The following ARSB variants were observed in gnomAD, a reference collection of about 807,000 sequenced individuals.
ARSB encodes the protein arylsulfatase B.
Under a neutral mutation model 50.9 loss-of-function variants are expected in ARSB, and 41 were observed. The observed-to-expected ratio is 0.81, with a 90% CI of 0.63 to 1.04. ARSB has a LOEUF of 1.04. Ranked by LOEUF, ARSB falls within the 50% of genes least tolerant of loss-of-function variation. The pLI is 0.00. For missense variants in ARSB, 672 were observed against 693.3 expected, an observed-to-expected ratio of 0.97 and a Z score of 0.35; for synonymous variants, 269 against 284.8, an observed-to-expected ratio of 0.94 and a Z score of 0.56.
chr5:78,981,249 C>T (rs377666656), intron 1 of ARSB, among the ~76,000 whole-genome samples: 3 of 5,278 alleles, frequency 5.7e-4, no homozygotes, highest in African/African-American at 2.5e-3. Flanking sequence ...CGCGCCCGGC[C>T]GAATTTCTAG....
chr5:78,907,930 C>T (rs1400664171), intron 4 of ARSB, among the ~76,000 whole-genome samples: 7 of 152,158 alleles, frequency 4.6e-5, no homozygotes, highest in African/African-American at 1.7e-4. Flanking sequence ...TTACCATACA[C>T]TGCACTACAG....
At chr5:78,979,839 T>C (rs1388442453) in intron 1 of ARSB, among the ~76,000 whole-genome samples, 4 of 152,128 alleles carry the variant, frequency 2.6e-5, no homozygotes, top group Non-Finnish European at 5.9e-5. Context: ...ATACAAAAAC[T>C]TGTACATGGA....
chr5:78,851,372 G>C (rs527470521), intron 5 of ARSB, among the ~76,000 whole-genome samples: 1 of 152,174 alleles, frequency 6.6e-6, no homozygotes, highest in African/African-American at 2.4e-5. Context: ...GAGCAGTTTT[G>C]AGTGAGTTTC....
chr5:78,869,512 C>A (rs1013353230), intron 5 of ARSB, among the ~76,000 whole-genome samples: 4 of 142,444 alleles, frequency 2.8e-5, no homozygotes, highest in Non-Finnish European at 4.6e-5. Flanking sequence ...AAGAATCTCA[C>A]TCAAAGCCGC....
intron 1 of ARSB, among the ~76,000 whole-genome samples, chr5:78,975,408 GC>G (rs1418556358): frequency 6.6e-6 from 1 of 152,198 alleles, no homozygotes; most frequent in Admixed American, 6.5e-5. Context: ...CCAAGGTTCC[GC>G]CTCAGGGGTG....
At chr5:78,973,716 A>G (rs1752550290) in intron 1 of ARSB, among the ~76,000 whole-genome samples, 1 of 152,148 alleles carries the variant, frequency 6.6e-6, no homozygotes, top group Non-Finnish European at 1.5e-5. Flanking sequence ...TTTCAGCTAC[A>G]CTCAAACTCT....
Position 78,780,220 on chromosome 5 carries a change from G to A in ARSB, c.*177C>T, listed in dbSNP as rs1748884815. ...TGCTCCAGCCAACAGCAGGAGTGTT[G>A]CAGATTTTATCAGCTTCTTAAATGC... On this transcript the variant is annotated 3_prime_UTR_variant, in exon 8 of 8. Coordinates refer to ENST00000264914, the MANE Select transcript of ARSB (RefSeq NM_000046.5). 11 of 800,204 alleles carry A rather than the reference G, an allele frequency of 1.4e-5. No homozygotes were observed. In the South Asian group the frequency reaches 1.9e-4, roughly 14 times the overall value. The allele number at this position is 800,204 out of a possible 1,614,324, so 49.6% of individuals were successfully genotyped here.
chr5:78,810,794 C>T (rs189795986), intron 6 of ARSB, among the ~76,000 whole-genome samples: 4 of 152,290 alleles, frequency 2.6e-5, no homozygotes, highest in African/African-American at 7.2e-5. Flanking sequence ...GAACTTTCAA[C>T]CACAGAGTAC....
chr5:78,952,986 G>C (rs796604286), intron 4 of ARSB, among the ~76,000 whole-genome samples: 19 of 152,220 alleles, frequency 1.2e-4, no homozygotes, highest in African/African-American at 4.6e-4. Flanking sequence ...TGATCAAAAT[G>C]CTATGCCAGG....
intron 1 of ARSB, among the ~76,000 whole-genome samples, chr5:78,981,285 AC>A (rs1417883362): frequency 6.6e-6 from 1 of 152,098 alleles, no homozygotes; most frequent in Non-Finnish European, 1.5e-5. Flanking sequence ...GTAACTACTT[AC>A]CCCATCTGCT....
At position 78,864,933 on chromosome 5, in the gene ARSB, T is replaced by C. The variant is rs546757316; in HGVS notation, c.1142+20651A>G. On this transcript the variant is annotated intron_variant, in intron 5 of 7. Transcript: ENST00000264914. ...AGGTCACGCTGATGCAAGAGGTGGG[T>C]TCCCATGGTCTTGGGCAGCTCTGCC... Among the ~76,000 whole-genome samples the C allele has an allele frequency of 2.0e-5, 3 of 152,310 alleles. No homozygotes were observed. The East Asian group carries it at 5.8e-4, about 29-fold the overall frequency.
At chr5:78,852,165 T>G (rs1158193579) in intron 5 of ARSB, among the ~76,000 whole-genome samples, 1 of 152,242 alleles carries the variant, frequency 6.6e-6, no homozygotes, top group Non-Finnish European at 1.5e-5. Flanking sequence ...TCGATGGTCT[T>G]TACAATTTGG....
intron 5 of ARSB, among the ~76,000 whole-genome samples, chr5:78,863,947 C>T (rs1004899393): frequency 7.3e-5 from 11 of 151,698 alleles, no homozygotes; most frequent in African/African-American, 1.9e-4. Flanking sequence ...ATAATGGTGG[C>T]CATCTAAATT....
rs181296661 is a variant in ARSB at position 78,872,959 on chromosome 5, A to G, written c.1142+12625T>C. ...ACGGATTGCCTGCTATCTTAGATCC[A>G]GGAAACGCCAACATACATAAACGTG... On this transcript the variant is annotated intron_variant, in intron 5 of 7. Coordinates refer to ENST00000264914, the MANE Select transcript of ARSB (RefSeq NM_000046.5). Among the ~76,000 whole-genome samples the G allele has an allele frequency of 2.0e-5, 3 of 152,288 alleles. No individual in the cohort carries two copies. In the East Asian group the frequency reaches 5.8e-4, roughly 29 times the overall value.
chr5:78,782,570 ATTAAT>A (rs1748957645), intron 6 of ARSB, among the ~76,000 whole-genome samples: 1 of 152,172 alleles, frequency 6.6e-6, no homozygotes, highest in East Asian at 1.9e-4. Flanking sequence ...CATGGATTAT[ATTAAT>A]TTATCATTTT....
chr5:78,797,408 T>A (rs1743226412), intron 6 of ARSB, among the ~76,000 whole-genome samples: 3 of 152,248 alleles, frequency 2.0e-5, no homozygotes, highest in Non-Finnish European at 4.4e-5. Context: ...GACTGTTGTT[T>A]TGTGTATCCA....
intron 4 of ARSB, among the ~76,000 whole-genome samples, chr5:78,926,441 C>T (rs1750057300): frequency 6.6e-6 from 1 of 152,156 alleles, no homozygotes; most frequent in South Asian, 2.1e-4. Flanking sequence ...CTTGCTTCCC[C>T]CACTTTTTTT....
intron 4 of ARSB, among the ~76,000 whole-genome samples, chr5:78,952,923 T>C (rs1751550197): frequency 1.3e-5 from 2 of 152,014 alleles, no homozygotes; most frequent in Non-Finnish European, 2.9e-5. Context: ...TCCTAGCATC[T>C]TTTTTTTAAT....
chr5:78,834,196 T>C (rs1744826874), intron 6 of ARSB, among the ~76,000 whole-genome samples: 1 of 152,208 alleles, frequency 6.6e-6, no homozygotes, highest in Non-Finnish European at 1.5e-5. Context: ...TCTCATGCAG[T>C]TTCTCTTCAG....
Sources: allele counts gnomAD v4.1 joint callset (sites outside exome capture counted in the v4.1 genomes callset), GRCh38; gene constraint gnomAD v4.1.1; transcripts MANE v1.5; gene names NCBI Gene and HGNC (gene_info 2026-07-23, HGNC 2026-07-21).